USP24: variants seen among roughly 807,000 people sequenced by gnomAD.
The protein encoded by USP24 is ubiquitin carboxyl-terminal hydrolase 24.
In USP24, 97 loss-of-function variants were observed where a neutral mutation model predicts 361.6. The ratio of observed to expected loss-of-function variants is 0.27; its 90% CI spans 0.23 to 0.32. The LOEUF (loss-of-function observed/expected upper bound fraction) is 0.32. Ranked by LOEUF, USP24 falls within the 10% of genes least tolerant of loss-of-function variation. USP24 has a pLI of 1.00. For missense variants in USP24, 2,353 were observed against 3,165.6 expected, an observed-to-expected ratio of 0.74 and a Z score of 6.16; for synonymous variants, 1,098 against 1,124.6, an observed-to-expected ratio of 0.98 and a Z score of 0.47.
At chr1:55,175,166 A>C (rs1361898235) in intron 3 of USP24, among the ~76,000 whole-genome samples, 1 of 151,382 alleles carries the variant, frequency 6.6e-6, no homozygotes, top group Non-Finnish European at 1.5e-5. Flanking sequence ...CTGCCTACCA[A>C]AATGCAACTG....
At chr1:55,161,761 T>C (rs533924332) in intron 8 of USP24, among the ~76,000 whole-genome samples, 73 of 152,172 alleles carry the variant, frequency 4.8e-4, no homozygotes, top group Middle Eastern at 3.4e-3. Context: ...CCTACGGAGG[T>C]AGGAAATCAG....
chr1:55,172,572 A>C, intron 3 of USP24, 52 bp from the exon 4 acceptor site: 1 of 1,538,356 alleles, frequency 6.5e-7, no homozygotes, highest in Non-Finnish European at 8.8e-7. Flanking sequence ...AAGAAAATAA[A>C]TCTACAGTTT....
intron 48 of USP24, 116 bp from the exon 49 acceptor site, chr1:55,097,288 A>G: frequency 8.5e-7 from 1 of 1,179,592 alleles, no homozygotes; most frequent in South Asian, 1.6e-5. Flanking sequence ...AGGAACAACT[A>G]CCTCACCAGT....
chr1:55,123,762 ACT>A (rs1473670604), intron 35 of USP24, among the ~76,000 whole-genome samples, 160 bp from the exon 36 acceptor site: 1 of 152,174 alleles, frequency 6.6e-6, no homozygotes, highest in African/African-American at 2.4e-5. Flanking sequence ...TATTTGAAAC[ACT>A]CTCACTACTT....
At chr1:55,185,115 T>A (rs1004421475) in intron 1 of USP24, among the ~76,000 whole-genome samples, 2 of 152,040 alleles carry the variant, frequency 1.3e-5, no homozygotes, top group East Asian at 3.9e-4. Context: ...CATACCACCA[T>A]GCCTGACTAT....
intron 38 of USP24, among the ~76,000 whole-genome samples, chr1:55,119,200 T>C (rs774160564): frequency 6.6e-6 from 1 of 152,188 alleles, no homozygotes; most frequent in Non-Finnish European, 1.5e-5. Flanking sequence ...GATATACAAA[T>C]ATGGTTTATA....
intron 8 of USP24, 118 bp from the exon 9 acceptor site, chr1:55,159,803 C>A: frequency 1.1e-6 from 1 of 886,388 alleles, no homozygotes; most frequent in South Asian, 1.8e-5. Flanking sequence ...TAAAAATTTT[C>A]ATATCAGAGC....
intron 7 of USP24, among the ~76,000 whole-genome samples, chr1:55,163,866 G>T (rs571150209): frequency 3.9e-5 from 6 of 152,060 alleles, no homozygotes; most frequent in African/African-American, 1.4e-4. Context: ...CTGCAGGGCT[G>T]CCTACAGGAT....
chr1:55,097,544 A>G lies in USP24; in HGVS notation c.5715+54T>C, dbSNP rs1426190394. The G allele has an allele frequency of 2.6e-6, 4 of 1,516,242 alleles. No individual in the cohort carries two copies. The South Asian group carries it at 5.2e-5, about 20-fold the overall frequency. 93.9% of individuals were successfully genotyped at this position (1,516,242 alleles called of 1,614,324 possible). A position where few individuals can be genotyped will look rare whatever the true frequency, so the allele number is the denominator to read the frequency against. ...GAAAATTGAAAAAGGAAAAAAAAAG[A>G]AGTGAGTGAGGAAATGAATGGTTGT... On this transcript the variant is annotated intron_variant, in intron 48 of 67. Transcript: ENST00000294383.
At chr1:55,213,362 A>C (rs1644894782) in intron 1 of USP24, among the ~76,000 whole-genome samples, 1 of 152,252 alleles carries the variant, frequency 6.6e-6, no homozygotes, top group Admixed American at 6.5e-5. Context: ...CAATCTAGCA[A>C]CTGTGTCTAA....
rs147087336 is a variant in USP24 at position 55,126,375 on chromosome 1, C to A, written c.3636-617G>T. ...AGCGAAGCTTTTCCTGATCACCCTA[C>A]TGAAAATCATAGCCCCCGAATCCCT... is the stretch of plus-strand genomic sequence containing the variant. On this transcript the variant is annotated intron_variant, in intron 32 of 67. Transcript: ENST00000294383. 3.7e-3 allele frequency among the ~76,000 whole-genome samples: 560 copies of A among 152,308 alleles called. 3 individuals carry two copies. Among genetic ancestry groups the A allele is most frequent in the African/African-American group, 0.013 (533 of 41,562 alleles).
intron 4 of USP24, among the ~76,000 whole-genome samples, chr1:55,172,062 A>G (rs1649508102): frequency 6.6e-6 from 1 of 152,160 alleles, no homozygotes; most frequent in African/African-American, 2.4e-5. Context: ...GTTGGGGGAA[A>G]AGGCCAGAAA....
At chr1:55,074,408 T>C (rs921234899) in intron 63 of USP24, among the ~76,000 whole-genome samples, 2 of 151,798 alleles carry the variant, frequency 1.3e-5, no homozygotes, top group African/African-American at 4.8e-5. Flanking sequence ...CAAAGGCGGG[T>C]GGATCACTTG....
intron 30 of USP24, among the ~76,000 whole-genome samples, chr1:55,133,732 GT>G (rs771588196): frequency 1.3e-4 from 19 of 150,762 alleles, no homozygotes; most frequent in Non-Finnish European, 2.2e-4. Flanking sequence ...GACCTCTTGG[GT>G]TCAAGCTATC....
intron 28 of USP24, among the ~76,000 whole-genome samples, chr1:55,136,272 C>T (rs1217832761): frequency 1.3e-5 from 2 of 152,018 alleles, no homozygotes; most frequent in Non-Finnish European, 2.9e-5. Context: ...ACAGACCATG[C>T]TATTTGAGGA....
chr1:55,073,966 T>C (rs1644970699), intron 63 of USP24, 60 bp from the exon 64 acceptor site: 2 of 1,361,204 alleles, frequency 1.5e-6, no homozygotes, highest in African/African-American at 2.9e-5. Context: ...TGGCTCCAAG[T>C]GACAACAAGC....
chr1:55,082,243 C>A (rs911271736), intron 58 of USP24, among the ~76,000 whole-genome samples: 1 of 152,172 alleles, frequency 6.6e-6, no homozygotes, highest in Non-Finnish European at 1.5e-5. Context: ...AGCTTTGTGA[C>A]CTTGGACAAC....
At chr1:55,181,939 G>A (rs1400745030) in intron 1 of USP24, among the ~76,000 whole-genome samples, 1 of 152,234 alleles carries the variant, frequency 6.6e-6, no homozygotes, top group African/African-American at 2.4e-5. Flanking sequence ...AAGGGGAAGG[G>A]ACATCAGAGA....
At chr1:55,108,079 CA>C (rs1645841773) in intron 39 of USP24, among the ~76,000 whole-genome samples, 1 of 151,792 alleles carries the variant, frequency 6.6e-6, no homozygotes, top group South Asian at 2.1e-4. Flanking sequence ...TCTCAGGAAA[CA>C]AAATCTTCTA....
Sources: allele counts gnomAD v4.1 joint callset (sites outside exome capture counted in the v4.1 genomes callset), GRCh38; gene constraint gnomAD v4.1.1; transcripts MANE v1.5; gene names NCBI Gene and HGNC (gene_info 2026-07-23, HGNC 2026-07-21).